Variants in CAPN15 observed in about 807,000 individuals in gnomAD.
CAPN15 encodes the protein calpain-15.
CAPN15 carries 53 observed loss-of-function variants against 97.9 expected under a neutral mutation model. The ratio of observed to expected loss-of-function variants is 0.54; its 90% CI spans 0.43 to 0.68. The LOEUF is 0.68. CAPN15 is among the 30% of genes least tolerant of loss of function. The pLI is 0.00. For missense variants in CAPN15, 1,592 were observed against 1,589.8 expected (o/e 1.00, Z -0.02); for synonymous variants, 922 against 722.5 (o/e 1.28, Z -4.43).
chr16:538,091 A>G (rs530096486), intron 3 of CAPN15: 1 of 152,332 alleles, frequency 6.6e-6, no homozygotes, highest in South Asian at 2.1e-4. Context: ...TCTTACGTGG[A>G]TACCAGGAGA....
chr16:540,789 G>A (rs538303368), intron 3 of CAPN15, among the ~76,000 whole-genome samples: 5 of 152,310 alleles, frequency 3.3e-5, no homozygotes, highest in Admixed American at 1.3e-4. Context: ...CTTGGTGGCC[G>A]AACTCCACGT....
At chr16:551,088 G>GC (rs2035024001) in intron 7 of CAPN15, among the ~76,000 whole-genome samples, 1 of 127,230 alleles carries the variant, frequency 7.9e-6, no homozygotes, top group Non-Finnish European at 1.6e-5. Context: ...GTCGGTGAGG[G>GC]CCCCGGTCGG....
At chr16:551,854 A>G in intron 9 of CAPN15, 190 bp downstream of exon 9, 1 of 976,838 alleles carries the variant, frequency 1.0e-6, no homozygotes. Context: ...AGCAGATTCC[A>G]GCGCCCTGAA....
At position 553,829 on chromosome 16, in the gene CAPN15, G is replaced by T. The variant is rs1596367811; in HGVS notation, c.*313G>T. On this transcript the variant is annotated 3_prime_UTR_variant, in exon 14 of 14. Coordinates refer to ENST00000219611, the MANE Select transcript of CAPN15 (RefSeq NM_005632.3). ...CGAGGCCAGGCTGCCCCTCCCTGTGGGCTCAGGGTCTCCTGCGGGCTAGGC... is the reference window on the plus strand; with the variant it reads ...CGAGGCCAGGCTGCCCCTCCCTGTGTGCTCAGGGTCTCCTGCGGGCTAGGC... 6.7e-6 allele frequency: 2 copies of T among 297,118 alleles called. No individual in the cohort carries two copies. The highest frequency in any genetic ancestry group is 1.3e-5 in the Non-Finnish European group (2 of 159,776). The allele number at this position is 297,118 out of a possible 1,614,324, so 18.4% of individuals were successfully genotyped here. A position where few individuals can be genotyped will look rare whatever the true frequency, so the allele number is the denominator to read the frequency against.
intron 1 of CAPN15, chr16:528,754 G>C: frequency 1.0e-6 from 1 of 985,434 alleles, no homozygotes; most frequent in Non-Finnish European, 1.2e-6. Flanking sequence ...GTGAGGCCCA[G>C]AACCTGAGGC....
intron 7 of CAPN15, 73 bp downstream of exon 7, chr16:549,911 CTGGTGG>C: frequency 8.0e-7 from 1 of 1,250,388 alleles, no homozygotes; most frequent in Non-Finnish European, 1.1e-6. Flanking sequence ...AGATGTGGGG[CTGGTGG>C]CCCCTGACCC....
At chr16:549,880 G>C (rs1263493117) in intron 7 of CAPN15, 42 bp downstream of exon 7, 1 of 1,458,804 alleles carries the variant, frequency 6.9e-7, no homozygotes. Context: ...GTTGGGAGGA[G>C]AGGCGAGGCG....
intron 1 of CAPN15, among the ~76,000 whole-genome samples, chr16:530,281 G>A (rs2033158148): frequency 6.6e-6 from 1 of 152,332 alleles, no homozygotes. Flanking sequence ...GGCAGGGTCC[G>A]TTTCTGTTTC....
intron 9 of CAPN15, 32 bp downstream of exon 9, chr16:551,696 C>A (rs1243394249): frequency 2.5e-6 from 4 of 1,578,610 alleles, no homozygotes; most frequent in African/African-American, 2.7e-5. Flanking sequence ...GTGCACGCCG[C>A]CCCCGCCCTC....
intron 1 of CAPN15, among the ~76,000 whole-genome samples, chr16:533,394 G>A (rs892200895): frequency 2.4e-4 from 37 of 152,310 alleles, no homozygotes; most frequent in African/African-American, 8.9e-4. Flanking sequence ...AAAGCCGCCT[G>A]GCTCGAAGCA....
Position 552,786 on chromosome 16 carries a change from C to T in CAPN15, c.2904+15C>T, listed in dbSNP as rs768124765. The T allele has an allele frequency of 5.6e-5, 79 of 1,415,564 alleles. No individual in the cohort carries two copies. Among genetic ancestry groups the T allele is most frequent in the Middle Eastern group, 2.4e-4 (1 of 4,086 alleles). 87.7% of individuals were successfully genotyped at this position (1,415,564 alleles called of 1,614,324 possible). On this transcript the variant is annotated intron_variant, in intron 12 of 13. Transcript: ENST00000219611. This position sits in a 1 kb window ranked among gnomAD's most constrained non-coding sequence, Gnocchi z 6.4. ...AGCGGCACGAGGTGGGTGGGGGTCC[C>T]GGGGGAGGGTGGCGTGGGGCAGGGG...
intron 2 of CAPN15, among the ~76,000 whole-genome samples, chr16:534,234 G>GGC (rs1555440868): frequency 7.5e-5 from 11 of 146,404 alleles, no homozygotes; most frequent in Non-Finnish European, 1.5e-4. Context: ...GTCCCGACAG[G>GGC]GGTGTTTGTC....
At chr16:538,624 G>C (rs1489869081) in intron 3 of CAPN15, 1 of 152,172 alleles carries the variant, frequency 6.6e-6, no homozygotes, top group African/African-American at 2.4e-5. Flanking sequence ...AGGGGATCCA[G>C]AATTCTCTGT....
intron 1 of CAPN15, among the ~76,000 whole-genome samples, chr16:531,800 C>T (rs1031728881): frequency 1.3e-5 from 2 of 150,634 alleles, no homozygotes; most frequent in Non-Finnish European, 2.9e-5. Context: ...ACAGGTGCCC[C>T]CTGTGTCCCA....
In CAPN15 at chr16:535,014, G is replaced by A. The variant is rs150949904; in HGVS notation, c.-136-1015G>A. On this transcript the variant is annotated intron_variant, in intron 2 of 13. Transcript: ENST00000219611. The surrounding 1 kb of genome is among the most constrained non-coding windows in gnomAD (Gnocchi z 6.2). Reference sequence around the variant, plus strand: ...CATGATTAGTTAGCGAGACAGTGAGGAGTGTATGCGGAGTGGACACAGCTG... The same window carrying A: ...CATGATTAGTTAGCGAGACAGTGAGAAGTGTATGCGGAGTGGACACAGCTG... Among the ~76,000 whole-genome samples the A allele has an allele frequency of 4.5e-4, 68 of 152,244 alleles. No homozygotes were observed. The highest frequency in any genetic ancestry group is 1.1e-3 in the Admixed American group (17 of 15,302).
chr16:552,224 G>T lies in CAPN15; in HGVS notation c.2507+12G>T. 6.5e-7 allele frequency: 1 copy of T among 1,532,260 alleles called. No individual in the cohort carries two copies. The allele number at this position is 1,532,260 out of a possible 1,614,324, so 94.9% of individuals were successfully genotyped here. A position where few individuals can be genotyped will look rare whatever the true frequency, so the allele number is the denominator to read the frequency against. On this transcript the variant is annotated intron_variant, in intron 10 of 13. Transcript: ENST00000219611. This position sits in a 1 kb window ranked among gnomAD's most constrained non-coding sequence, Gnocchi z 6.4. ...CAGGAGGGCAGCAGGTGGGTGCTGC[G>T]GGGCCCCATCGGGCTGGGCTGGGCT...
chr16:544,207 A>G (rs1019295799), intron 3 of CAPN15, among the ~76,000 whole-genome samples: 14 of 152,090 alleles, frequency 9.2e-5, no homozygotes, highest in Admixed American at 8.5e-4. Flanking sequence ...CAGAGCACTG[A>G]GCAGAGCCCC....
At position 547,065 on chromosome 16, in the gene CAPN15, G is replaced by A. The variant is rs746765788; in HGVS notation, c.227G>A (p.Gly76Glu). Reference sequence around the variant, plus strand: ...GGCTTCACCCCGGAGCCTGCGCCTGGGGCTGCCTTCCTGCCAGTCCTCAAC... The same window carrying A: ...GGCTTCACCCCGGAGCCTGCGCCTGAGGCTGCCTTCCTGCCAGTCCTCAAC... ...VCGFTPEPAP[G>E]AAFLPVLNGV... is the part of the protein sequence containing the mutation. The change falls in exon 4 of 14, where the codon GGG becomes GAG. Residue 76 changes from glycine (G) to glutamate (E), a missense_variant. Coordinates refer to ENST00000219611, the MANE Select transcript of CAPN15 (RefSeq NM_005632.3). 2.2e-5 allele frequency: 36 copies of A among 1,602,726 alleles called. No homozygotes were observed. Among genetic ancestry groups the A allele is most frequent in the Non-Finnish European group, 3.0e-5 (35 of 1,176,652 alleles).
Position 548,099 on chromosome 16 carries a change from T to C in CAPN15, c.1261T>C (p.Cys421Arg). The part of the protein sequence containing the change: ...ERPGQWACPA[C>R]TLLNALRAKH... ...CCCGGGCCAGTGGGCCTGCCCTGCC[T>C]GTACCCTGCTCAACGCACTGCGGGC... The change falls in exon 4 of 14, where the codon TGT becomes CGT. Residue 421 changes from cysteine (C) to arginine (R), a missense_variant. This residue lies in a region of CAPN15 where 883 missense variants were observed against 776.6 expected (regional missense o/e 1.14). Coordinates refer to ENST00000219611, the MANE Select transcript of CAPN15 (RefSeq NM_005632.3). 1 of 1,541,694 alleles carries C rather than the reference T, an allele frequency of 6.5e-7. No homozygotes were observed.
Sources: allele counts gnomAD v4.1 joint callset (sites outside exome capture counted in the v4.1 genomes callset), GRCh38; gene constraint gnomAD v4.1.1; regional missense constraint gnomAD v4.1.1; non-coding constraint Gnocchi (gnomAD v3.1); transcripts MANE v1.5; gene names NCBI Gene and HGNC (gene_info 2026-07-23, HGNC 2026-07-21).